TBC1D5: variants seen among roughly 807,000 people sequenced by gnomAD.
TBC1D5 encodes TBC1 domain family, member 5.
A neutral mutation model predicts 100.3 loss-of-function variants in TBC1D5; 75 were observed. The ratio of observed to expected loss-of-function variants is 0.75; its 90% CI spans 0.62 to 0.91. The LOEUF (loss-of-function observed/expected upper bound fraction) is 0.91, where lower values mean the gene tolerates loss of function less well. Ranked by LOEUF, TBC1D5 falls within the 40% of genes least tolerant of loss-of-function variation. TBC1D5 has a pLI of 0.00. For missense variants in TBC1D5, 910 were observed against 942.4 expected (o/e 0.97, Z 0.45); for synonymous variants, 323 against 325.6 (o/e 0.99, Z 0.09).
At chr3:17,157,313 T>C (rs2065669439) in exon 22 of TBC1D5, 1 of 152,266 alleles carries the variant, frequency 6.6e-6, no homozygotes, top group South Asian at 2.1e-4. Flanking sequence ...GAATATTCCA[T>C]CAATCAAATG....
intron 2 of TBC1D5, among the ~76,000 whole-genome samples, chr3:17,536,764 G>A (rs574532742): frequency 6.6e-6 from 1 of 152,324 alleles, no homozygotes; most frequent in South Asian, 2.1e-4. Context: ...CATCTTGAAG[G>A]GAGGGAGGGG....
intron 2 of TBC1D5, among the ~76,000 whole-genome samples, chr3:17,540,209 G>A (rs915726535): frequency 3.9e-5 from 6 of 152,160 alleles, no homozygotes; most frequent in African/African-American, 1.4e-4. Flanking sequence ...TGAGTTGTAG[G>A]AATTCTCCAT....
intron 9 of TBC1D5, among the ~76,000 whole-genome samples, chr3:17,383,280 G>T (rs2093022543): frequency 6.6e-6 from 1 of 151,402 alleles, no homozygotes; most frequent in Admixed American, 6.6e-5. Context: ...TTTGCATTTG[G>T]AGAAATACAT....
intron 9 of TBC1D5, among the ~76,000 whole-genome samples, chr3:17,382,703 C>T (rs982407298): frequency 7.3e-5 from 11 of 151,696 alleles, no homozygotes; most frequent in Non-Finnish European, 1.5e-4. Context: ...TGAGACTATA[C>T]GTGTGCACCA....
At chr3:17,428,245 A>G (rs559467327) in intron 4 of TBC1D5, among the ~76,000 whole-genome samples, 4 of 151,630 alleles carry the variant, frequency 2.6e-5, no homozygotes, top group Non-Finnish European at 5.9e-5. Context: ...AGAATATTAT[A>G]TTTTTCTGTA....
At chr3:17,211,389 G>A (rs1414078412) in intron 18 of TBC1D5, among the ~76,000 whole-genome samples, 1 of 152,236 alleles carries the variant, frequency 6.6e-6, no homozygotes, top group Non-Finnish European at 1.5e-5. Flanking sequence ...TAGCATTTAA[G>A]TATATTCATT....
At chr3:17,231,023 G>T (rs1275594486) in intron 17 of TBC1D5, among the ~76,000 whole-genome samples, 1 of 152,102 alleles carries the variant, frequency 6.6e-6, no homozygotes, top group Non-Finnish European at 1.5e-5. Context: ...ATGTTCAGTA[G>T]AGACTCATTT....
intron 2 of TBC1D5, among the ~76,000 whole-genome samples, chr3:17,554,996 C>T (rs1314885529): frequency 6.6e-6 from 1 of 151,916 alleles, no homozygotes; most frequent in Non-Finnish European, 1.5e-5. Context: ...ATTACAGGCA[C>T]GTGCCACCAC....
intron 14 of TBC1D5, among the ~76,000 whole-genome samples, chr3:17,295,882 C>G (rs762874466): frequency 2.0e-5 from 3 of 152,076 alleles, no homozygotes; most frequent in Non-Finnish European, 4.4e-5. Flanking sequence ...CCTAATTCCC[C>G]CTAAGGAAAG....
intron 14 of TBC1D5, among the ~76,000 whole-genome samples, chr3:17,301,626 C>T (rs1360440444): frequency 2.6e-5 from 4 of 152,014 alleles, no homozygotes; most frequent in East Asian, 1.9e-4. Flanking sequence ...ACAATAACTA[C>T]GGAAAAATGT....
intron 14 of TBC1D5, 51 bp from the exon 15 acceptor site, chr3:17,292,052 G>A (rs1440981096): frequency 7.0e-7 from 1 of 1,432,282 alleles, no homozygotes; most frequent in East Asian, 2.3e-5. Context: ...AAGATATTCT[G>A]CATTGCTGAG....
intron 2 of TBC1D5, among the ~76,000 whole-genome samples, chr3:17,534,140 CT>C (rs1427636677): frequency 6.6e-6 from 1 of 152,120 alleles, no homozygotes; most frequent in African/African-American, 2.4e-5. Flanking sequence ...ATGAGGGCCC[CT>C]GTTCCAGAAT....
At chr3:17,298,025 G>T (rs1042114968) in intron 14 of TBC1D5, among the ~76,000 whole-genome samples, 34 of 152,114 alleles carry the variant, frequency 2.2e-4, no homozygotes, top group African/African-American at 7.2e-4. Flanking sequence ...AATTGGTGGG[G>T]ATTAAGATTT....
chr3:17,223,921 AAAACAAAAC>A (rs1351674103), intron 17 of TBC1D5, among the ~76,000 whole-genome samples: 21 of 151,950 alleles, frequency 1.4e-4, no homozygotes, highest in African/African-American at 3.6e-4. Context: ...AAAACAAAAC[AAAACAAAAC>A]AAACAAACAA....
chr3:17,528,667 T>C (rs2096174250), intron 2 of TBC1D5, among the ~76,000 whole-genome samples: 1 of 152,028 alleles, frequency 6.6e-6, no homozygotes, highest in Admixed American at 6.5e-5. Flanking sequence ...GAAAGGCAGA[T>C]AAAAGGGACT....
chr3:17,671,024 A>C (rs569178020), intron 1 of TBC1D5, among the ~76,000 whole-genome samples: 18 of 152,288 alleles, frequency 1.2e-4, no homozygotes, highest in Admixed American at 1.0e-3. Context: ...TTAGTCTTTC[A>C]CTCAGCTTTT....
At chr3:17,725,218 C>G (rs1480774573) in intron 1 of TBC1D5, among the ~76,000 whole-genome samples, 1 of 152,006 alleles carries the variant, frequency 6.6e-6, no homozygotes. Context: ...TTCCCTGGAG[C>G]CTAAAATTAA....
intron 1 of TBC1D5, among the ~76,000 whole-genome samples, chr3:17,704,435 G>A (rs1224512436): frequency 6.7e-6 from 1 of 150,148 alleles, no homozygotes; most frequent in East Asian, 2.0e-4. Flanking sequence ...TGAGCTGTTG[G>A]GCACACCTCC....
At chr3:17,611,863 C>T (rs1431651115) in intron 2 of TBC1D5, among the ~76,000 whole-genome samples, 1 of 152,176 alleles carries the variant, frequency 6.6e-6, no homozygotes, top group Non-Finnish European at 1.5e-5. Context: ...GTAGTTCTAT[C>T]TTTTCTACCA....
Sources: allele counts gnomAD v4.1 joint callset (sites outside exome capture counted in the v4.1 genomes callset), GRCh38; gene constraint gnomAD v4.1.1; transcripts MANE v1.5; gene names NCBI Gene and HGNC (gene_info 2026-07-23, HGNC 2026-07-21).